MKS1: variants seen among roughly 807,000 people sequenced by gnomAD.
MKS1 encodes the protein tectonic-like complex member MKS1.
MKS1 carries 70 observed loss-of-function variants against 83.7 expected under a neutral mutation model. That is an observed-to-expected ratio of 0.84 (90% CI 0.69 to 1.02). The LOEUF (loss-of-function observed/expected upper bound fraction) is 1.02, where lower values mean the gene tolerates loss of function less well. Among genes scored for constraint, MKS1 ranks in the 50% least tolerant of loss-of-function variants. The pLI is 0.00. For synonymous variants in MKS1, 251 were observed against 273.4 expected (o/e 0.92, Z 0.81); for missense variants, 681 against 726.9 (o/e 0.94, Z 0.73).
intron 5 of MKS1, 21 bp downstream of exon 5, chr17:58,214,720 C>T (rs763263450): frequency 6.3e-7 from 1 of 1,599,590 alleles, no homozygotes; most frequent in South Asian, 1.1e-5. Flanking sequence ...AGCTTGTCCC[C>T]CATCCCATGC....
intron 2 of MKS1, 104 bp downstream of exon 2, chr17:58,218,516 T>TAAC: frequency 1.9e-6 from 1 of 525,378 alleles, no homozygotes; most frequent in East Asian, 6.7e-5. Flanking sequence ...GGCAACTCTA[T>TAAC]AACATATCAG....
chr17:58,211,855 C>T (rs1215001257), intron 9 of MKS1, among the ~76,000 whole-genome samples: 3 of 151,868 alleles, frequency 2.0e-5, no homozygotes, highest in African/African-American at 4.8e-5. Flanking sequence ...CATGCGCCAC[C>T]GCATCAGGCC....
intron 12 of MKS1, 84 bp from the exon 13 acceptor site, chr17:58,208,258 A>T (rs780773545): frequency 1.5e-6 from 2 of 1,312,748 alleles, no homozygotes; most frequent in African/African-American, 2.9e-5. Flanking sequence ...TATCTTCACA[A>T]GGGAAAAAGA....
chr17:58,216,804 T>C (rs1229046611), intron 2 of MKS1, 68 bp from the exon 3 acceptor site: 1 of 1,507,596 alleles, frequency 6.6e-7, no homozygotes, highest in African/African-American at 1.4e-5. Context: ...CTGTGGTTTA[T>C]TATAACCAAA....
intron 8 of MKS1, 32 bp downstream of exon 8, chr17:58,212,950 C>A: frequency 1.3e-6 from 2 of 1,596,352 alleles, no homozygotes; most frequent in Non-Finnish European, 8.6e-7. Context: ...TGAGGCTCAT[C>A]CCTTGGATAC....
intron 2 of MKS1, among the ~76,000 whole-genome samples, chr17:58,218,051 T>G (rs1305965413): frequency 6.6e-6 from 1 of 152,240 alleles, no homozygotes; most frequent in African/African-American, 2.4e-5. Context: ...GATCTATACA[T>G]GCACATCATA....
In MKS1 at chr17:58,218,726, G is replaced by A; in HGVS notation, c.84C>T (p.Val28=). 6.2e-7 allele frequency: 1 copy of A among 1,613,132 alleles called. No homozygotes were observed. Among genetic ancestry groups the A allele is most frequent in the Non-Finnish European group, 8.5e-7 (1 of 1,179,228 alleles). ...RDPVRNLRLR[V]HLQRITSSNF... ...TGCTTGATGTGATTCTTTGCAGGTG[G>A]ACTCTGTCAAGAAAAGCCCAAAATA... The change falls in exon 2 of 18, where the codon GTC becomes GTT. Residue 28 remains valine, a synonymous_variant. Coordinates refer to ENST00000393119, the MANE Select transcript of MKS1 (RefSeq NM_017777.4).
In MKS1 at chr17:58,213,035, A is replaced by C. The variant is rs567771507; in HGVS notation, c.805T>G (p.Ser269Ala). ...TCCTCCTCCGGCTGTGCGTGGGGGG[A>C]AACATTGTCGATCGTATATTTCCAC... The part of the protein sequence containing the change: ...ELWKYTIDNV[S>A]PHAQPEEEER... Residue 269 changes from serine (S) to alanine (A), a missense_variant, in exon 8 of 18, where the codon TCC (serine) becomes GCC (alanine). This residue lies in a region of MKS1 where 365 missense variants were observed against 383.8 expected (regional missense o/e 0.95). Transcript: ENST00000393119. 3.7e-6 allele frequency: 6 copies of C among 1,613,892 alleles called. No homozygotes were observed. The highest frequency in any genetic ancestry group is 1.3e-5 in the African/African-American group (1 of 74,924).
chr17:58,212,522 G>A (rs1968934194), intron 8 of MKS1, 88 bp from the exon 9 acceptor site: 1 of 1,435,914 alleles, frequency 7.0e-7, no homozygotes, highest in Admixed American at 1.7e-5. Flanking sequence ...AAGCAATAGT[G>A]GGAAGGGTCA....
At position 58,206,468 on chromosome 17, in the gene MKS1, G is replaced by C. The variant is rs764000969; in HGVS notation, c.1487C>G (p.Ser496Cys). The change falls in exon 16 of 18, where the codon TCC becomes TGC. Residue 496 changes from serine to cysteine, a missense_variant. Ser to Cys is a moderately radical substitution (Grantham distance 112, BLOSUM62 -1). This residue lies in a region of MKS1 where 310 missense variants were observed against 321.7 expected (regional missense o/e 0.96). Coordinates refer to ENST00000393119, the MANE Select transcript of MKS1 (RefSeq NM_017777.4). ...VTFRLHCLQQ[S>C]RAFMESSSLQ... is the part of the protein sequence containing the mutation. ...GGCAGAGGGCCAAGTCACTCACCTG[G>C]ACTGCTGCAGACAGTGCAAGCGGAA... is the stretch of plus-strand genomic sequence containing the variant. 6.2e-7 allele frequency: 1 copy of C among 1,614,012 alleles called. No homozygotes were observed. The highest frequency in any genetic ancestry group is 8.5e-7 in the Non-Finnish European group (1 of 1,180,016).
At chr17:58,216,837 CA>C in intron 2 of MKS1, 101 bp from the exon 3 acceptor site, 1 of 1,221,910 alleles carries the variant, frequency 8.2e-7, no homozygotes, top group South Asian at 1.3e-5. Context: ...ATATTTGCCA[CA>C]AAAACTAGCT....
intron 3 of MKS1, 93 bp downstream of exon 3, chr17:58,216,573 C>T (rs1969230842): frequency 2.2e-6 from 3 of 1,368,908 alleles, no homozygotes; most frequent in Admixed American, 3.5e-5. Context: ...ACTGTTACAA[C>T]CTGTCTGGAA....
intron 5 of MKS1, 124 bp from the exon 6 acceptor site, chr17:58,214,511 C>G (rs1374246358): frequency 6.8e-7 from 1 of 1,470,742 alleles, no homozygotes; most frequent in East Asian, 2.4e-5. Context: ...TTTTTAAGAG[C>G]CAAAATATTT....
chr17:58,207,465 C>T, intron 14 of MKS1: 1 of 584,064 alleles, frequency 1.7e-6, no homozygotes, highest in Non-Finnish European at 3.0e-6. Flanking sequence ...CTCTCTGAAG[C>T]TCATTCTCCT....
intron 9 of MKS1, 33 bp from the exon 10 acceptor site, chr17:58,211,055 G>C (rs1597987434): frequency 6.2e-7 from 1 of 1,609,976 alleles, no homozygotes; most frequent in Non-Finnish European, 8.5e-7. Context: ...AGGATCAGCA[G>C]GCCTGGAGGG....
chr17:58,218,763 A>G lies in MKS1; in HGVS notation c.81-34T>C, dbSNP rs1167635588. On this transcript the variant is annotated intron_variant, in intron 1 of 17. Coordinates refer to ENST00000393119, the MANE Select transcript of MKS1 (RefSeq NM_017777.4). ...AAAAGCCCAAAATATTCGTTACCAG[A>G]CACGCAACCAGGAGATGAACACAAA... 2.0e-6 allele frequency: 3 copies of G among 1,536,782 alleles called. 1 individual carries two copies.
At position 58,218,626 on chromosome 17, in the gene MKS1, T is replaced by G; in HGVS notation, c.184A>C (p.Thr62Pro). The G allele has an allele frequency of 1.2e-6, 2 of 1,605,816 alleles. No homozygotes were observed. The highest frequency in any genetic ancestry group is 1.7e-6 in the Non-Finnish European group (2 of 1,172,460). ...IDLATFRPQPTASGHRPEEDE... is the reference protein window; with the variant it reads ...IDLATFRPQPPASGHRPEEDE... ...TCACCACCGTAACACCCACTGGCAG[T>G]TGGCTGAGGCCTAAAAGTGGCCAAG... The change falls in exon 2 of 18, where the codon ACT becomes CCT. Residue 62 changes from threonine (T) to proline (P), a missense_variant. Physicochemically the swap from Thr to Pro is conservative, Grantham distance 38. Transcript: ENST00000393119.
At chr17:58,214,521 T>G in intron 5 of MKS1, 134 bp from the exon 6 acceptor site, 1 of 1,429,284 alleles carries the variant, frequency 7.0e-7, no homozygotes, top group Non-Finnish European at 9.6e-7. Context: ...CCAAAATATT[T>G]GACAAACAGA....
chr17:58,206,164 A>T lies in MKS1; in HGVS notation c.1595T>A (p.Phe532Tyr). The T allele has an allele frequency of 6.2e-7, 1 of 1,614,020 alleles. No individual in the cohort carries two copies. The highest frequency in any genetic ancestry group is 8.5e-7 in the Non-Finnish European group (1 of 1,179,984). Residue 532 changes from phenylalanine to tyrosine, a missense_variant, in exon 18 of 18, where the codon TTC becomes TAC. Coordinates refer to ENST00000393119, the MANE Select transcript of MKS1 (RefSeq NM_017777.4). The part of the protein sequence containing the change: ...QSSIHNVLEA[F>Y]RRARRRMQEA... ...CTGCATGCGGCGCCGGGCTCGACGG[A>T]AGGCCTCTGTAAGGAAAGGAGATAT...
Sources: gnomAD v4.1 joint callset for allele counts (sites outside exome capture counted in the v4.1 genomes callset) on GRCh38, gnomAD v4.1.1 for gene constraint, gnomAD v4.1.1 regional missense constraint, MANE v1.5 for transcripts, NCBI Gene and HGNC (gene_info 2026-07-23, HGNC 2026-07-21) for gene names.